EGFR: variants seen among roughly 807,000 people sequenced by gnomAD.
The protein encoded by EGFR is avian erythroblastic leukemia viral (v-erb-b) oncogene homolog.
Under a neutral mutation model 143.0 loss-of-function variants are expected in EGFR, and 58 were observed. That is an observed-to-expected ratio of 0.41 (90% CI 0.33 to 0.50). The LOEUF (loss-of-function observed/expected upper bound fraction) is 0.50, where lower values mean the gene tolerates loss of function less well. Among genes scored for constraint, EGFR ranks in the 20% least tolerant of loss-of-function variants. The probability of loss-of-function intolerance (pLI) is 0.39; values close to 1 mark genes in which losing one functional copy is unlikely to be tolerated. For missense variants in EGFR, 1,307 were observed against 1,579.0 expected (o/e 0.83, Z 2.92); for synonymous variants, 613 against 594.4 (o/e 1.03, Z -0.45).
intron 15 of EGFR, among the ~76,000 whole-genome samples, chr7:55,167,485 C>T (rs112329512): frequency 0.034 from 2,547 of 75,714 alleles, no homozygotes; most frequent in Middle Eastern, 0.12. Flanking sequence ...CTGGTGGTGA[C>T]GAGGTGGGAG....
chr7:55,202,440 G>T (rs914275714), intron 26 of EGFR, 77 bp from the exon 27 acceptor site: 10 of 1,236,310 alleles, frequency 8.1e-6, no homozygotes, highest in African/African-American at 6.0e-5. Context: ...ATCTCAAGGA[G>T]ATCTCGGGTG....
intron 15 of EGFR, chr7:55,170,235 C>A: frequency 6.2e-7 from 1 of 1,612,286 alleles, no homozygotes; most frequent in Non-Finnish European, 8.5e-7. Flanking sequence ...CTGTTAGGAT[C>A]AGATTATAGT....
chr7:55,153,900 A>G, intron 6 of EGFR, 111 bp from the exon 7 acceptor site: 1 of 1,525,590 alleles, frequency 6.6e-7, no homozygotes, highest in Non-Finnish European at 9.1e-7. Context: ...TAGGCTGCAA[A>G]GACAGTAACT....
intron 13 of EGFR, 31 bp from the exon 14 acceptor site, chr7:55,163,702 G>A (rs2128944507): frequency 6.3e-7 from 1 of 1,586,738 alleles, no homozygotes; most frequent in Non-Finnish European, 8.7e-7. Context: ...TCTCAGGGGT[G>A]GGCTGACGGG....
At chr7:55,144,455 A>G (rs928278226) in intron 3 of EGFR, among the ~76,000 whole-genome samples, 2 of 152,172 alleles carry the variant, frequency 1.3e-5, no homozygotes, top group African/African-American at 2.4e-5. Flanking sequence ...CTCCTGTGCC[A>G]TGCAGTTCTG....
chr7:55,094,606 G>A (rs779994716), intron 1 of EGFR, among the ~76,000 whole-genome samples: 9 of 152,204 alleles, frequency 5.9e-5, no homozygotes, highest in South Asian at 2.1e-4. Context: ...AGGAATTTAC[G>A]ACAAGACAGT....
At chr7:55,161,899 A>G (rs960830172) in intron 13 of EGFR, among the ~76,000 whole-genome samples, 2 of 152,174 alleles carry the variant, frequency 1.3e-5, no homozygotes, top group Non-Finnish European at 2.9e-5. Context: ...AGTATCTTAA[A>G]TTTTTCTAAG....
chr7:55,115,596 G>T (rs76177474), intron 1 of EGFR, among the ~76,000 whole-genome samples: 318 of 152,274 alleles, frequency 2.1e-3, no homozygotes, highest in African/African-American at 7.3e-3. Flanking sequence ...GGGGTTCCTG[G>T]AAGCCTTCCT....
At chr7:55,145,897 C>G (rs1192817182) in intron 3 of EGFR, among the ~76,000 whole-genome samples, 1 of 152,160 alleles carries the variant, frequency 6.6e-6, no homozygotes, top group Non-Finnish European at 1.5e-5. Context: ...GCAGCGCCCA[C>G]AGCACTTGCA....
In EGFR at chr7:55,170,621, G is replaced by A. The variant is rs1049980378; in HGVS notation, c.1881-554G>A. On this transcript the variant is annotated intron_variant, in intron 15 of 27. Transcript: ENST00000275493. The stretch of plus-strand genomic sequence containing the variant: ...TGCACGTGGGCCGCCAGGTTCCCAA[G>A]AGTATCCTACCCATTTCCTTCCTTC... 52 of 1,603,512 alleles carry A rather than the reference G, an allele frequency of 3.2e-5. No individual in the cohort carries two copies. The African/African-American group carries it at 6.0e-4, about 19-fold the overall frequency.
intron 1 of EGFR, among the ~76,000 whole-genome samples, chr7:55,091,879 CACACACACA>C (rs1562706167): frequency 1.3e-5 from 2 of 151,562 alleles, no homozygotes; most frequent in African/African-American, 4.9e-5. Flanking sequence ...CACACACACA[CACACACACA>C]CACCCTGAGA....
chr7:55,107,618 G>A (rs1195366952), intron 1 of EGFR, among the ~76,000 whole-genome samples: 1 of 152,212 alleles, frequency 6.6e-6, no homozygotes, highest in Non-Finnish European at 1.5e-5. Context: ...TGCCCTGCCA[G>A]GCAGAGAATG....
chr7:55,178,217 C>T (rs1416809652), intron 19 of EGFR, among the ~76,000 whole-genome samples: 1 of 152,190 alleles, frequency 6.6e-6, no homozygotes, highest in Non-Finnish European at 1.5e-5. Flanking sequence ...TAGGAAGAGC[C>T]AGAGGGTTTC....
At chr7:55,198,600 C>G (rs1787718004) in intron 22 of EGFR, 117 bp from the exon 23 acceptor site, 1 of 1,523,534 alleles carries the variant, frequency 6.6e-7, no homozygotes, top group African/African-American at 1.4e-5. Context: ...CCCAAGACTA[C>G]AGAAATGTAG....
rs145113601 is a variant in EGFR at position 55,143,390 on chromosome 7, G to C, written c.326G>C (p.Gly109Ala). ...TTGGAAAACCTGCAGATCATCAGAG[G>C]AAATATGTACTACGAAAATTCCTAT... ...IPLENLQIIR[G>A]NMYYENSYAL... is the part of the protein sequence containing the mutation. Residue 109 changes from glycine (G) to alanine (A), a missense_variant, in exon 3 of 28, where the codon GGA becomes GCA. Physicochemically the swap from Gly to Ala is moderately conservative, Grantham distance 60. This residue lies in a region of EGFR where 311 missense variants were observed against 412.3 expected (regional missense o/e 0.75). Transcript: ENST00000275493. 11 of 1,614,066 alleles carry C rather than the reference G, an allele frequency of 6.8e-6. No homozygotes were observed. In the African/African-American group the frequency reaches 1.3e-4, roughly 20 times the overall value.
Position 55,019,253 on chromosome 7 carries a change from G to A in EGFR, c.-25G>A, listed in dbSNP as rs1315709952. On this transcript the variant is annotated 5_prime_UTR_variant, in exon 1 of 28. Transcript: ENST00000275493. ...CCGTCCAGTATTGATCGGGAGAGCC[G>A]GAGCGAGCTCTTCGGGGAGCAGCGA... 2 of 1,473,316 alleles carry A rather than the reference G, an allele frequency of 1.4e-6. No individual in the cohort carries two copies. Among genetic ancestry groups the A allele is most frequent in the South Asian group, 1.2e-5 (1 of 80,022 alleles). The allele number at this position is 1,473,316 out of a possible 1,614,324, so 91.3% of individuals were successfully genotyped here. A position where few individuals can be genotyped will look rare whatever the true frequency, so the allele number is the denominator to read the frequency against.
chr7:55,104,369 G>A (rs142237941), intron 1 of EGFR, among the ~76,000 whole-genome samples: 1 of 152,304 alleles, frequency 6.6e-6, no homozygotes, highest in African/African-American at 2.4e-5. Context: ...TACTGTGCTG[G>A]ATGATGCCTG....
In EGFR at chr7:55,202,627, T is replaced by G. The variant is rs1787900565; in HGVS notation, c.3271+2T>G. ...ACGACACCTTCCTCCCAGTGCCTGGTGAGTGGCTTGTCTGGAAACAGTCCT... is the reference window on the plus strand; with the variant it reads ...ACGACACCTTCCTCCCAGTGCCTGGGGAGTGGCTTGTCTGGAAACAGTCCT... On this transcript the variant is annotated splice_donor_variant, in intron 27 of 27. Transcript: ENST00000275493. LOFTEE classifies it high-confidence loss of function. 1 of 1,608,446 alleles carries G rather than the reference T, an allele frequency of 6.2e-7. No individual in the cohort carries two copies. Among genetic ancestry groups the G allele is most frequent in the Non-Finnish European group, 8.5e-7 (1 of 1,177,462 alleles).
At chr7:55,166,728 A>G (rs1488240348) in intron 15 of EGFR, among the ~76,000 whole-genome samples, 6 of 131,718 alleles carry the variant, frequency 4.6e-5, no homozygotes, top group Non-Finnish European at 9.4e-5. Flanking sequence ...TGGGAGTCAC[A>G]ATGGTGGTAG....
Sources: allele counts gnomAD v4.1 joint callset (sites outside exome capture counted in the v4.1 genomes callset), GRCh38; gene constraint gnomAD v4.1.1; regional missense constraint gnomAD v4.1.1; transcripts MANE v1.5; gene names NCBI Gene and HGNC (gene_info 2026-07-23, HGNC 2026-07-21).